Variants in PRKCB observed in about 807,000 individuals in gnomAD.
The protein encoded by PRKCB is protein kinase C beta, also known as protein kinase C beta type.
Under a neutral mutation model 81.5 loss-of-function variants are expected in PRKCB, and 13 were observed. The ratio of observed to expected loss-of-function variants is 0.16; its 90% CI spans 0.10 to 0.25. PRKCB has a LOEUF of 0.25. PRKCB is among the 10% of genes least tolerant of loss of function. PRKCB has a pLI of 1.00. For synonymous variants in PRKCB, 335 were observed against 321.4 expected (o/e 1.04, Z -0.45); for missense variants, 509 against 875.7 (o/e 0.58, Z 5.29).
chr16:24,202,035 C>CAA (rs72304458), intron 16 of PRKCB, among the ~76,000 whole-genome samples: 3 of 117,990 alleles, frequency 2.5e-5, no homozygotes, highest in Non-Finnish European at 5.5e-5. Context: ...GACTCCGTCT[C>CAA]AAAAAAAAAA....
At chr16:23,955,613 T>G (rs1858846790) in intron 2 of PRKCB, among the ~76,000 whole-genome samples, 1 of 152,240 alleles carries the variant, frequency 6.6e-6, no homozygotes, top group East Asian at 1.9e-4. Flanking sequence ...GAAAAGTGCA[T>G]GGAGAGAGAA....
At chr16:24,076,300 G>A (rs1279496537) in intron 5 of PRKCB, among the ~76,000 whole-genome samples, 1 of 152,200 alleles carries the variant, frequency 6.6e-6, no homozygotes, top group Non-Finnish European at 1.5e-5. Flanking sequence ...GTTGGCAGAT[G>A]TACAGGAGTG....
At position 24,005,265 on chromosome 16, in the gene PRKCB, T is replaced by A. The variant is rs370009625; in HGVS notation, c.288+16675T>A. The stretch of plus-strand genomic sequence containing the variant: ...AGACAACAAAACATTAGGTCAGGTA[T>A]GATAGATTTAAAAATATAAAAATAT... On this transcript the variant is annotated intron_variant, in intron 3 of 16. Transcript: ENST00000643927. 7.3e-5 allele frequency among the ~76,000 whole-genome samples: 11 copies of A among 151,594 alleles called. No homozygotes were observed. The East Asian group carries it at 2.1e-3, about 29-fold the overall frequency.
chr16:23,882,022 C>CTTTCTTTCTCTTTCTTTCT (rs1567301134), intron 2 of PRKCB, among the ~76,000 whole-genome samples: 8 of 57,416 alleles, frequency 1.4e-4, no homozygotes, highest in Non-Finnish European at 2.4e-4. Flanking sequence ...TTCTTTCTTT[C>CTTTCTTTCTCTTTCTTTCT]TTCCTTCCTT....
chr16:23,899,407 C>T (rs949367598), intron 2 of PRKCB, among the ~76,000 whole-genome samples: 25 of 152,164 alleles, frequency 1.6e-4, no homozygotes, highest in Admixed American at 1.3e-3. Context: ...GAAGACATCT[C>T]CCCCAGATCT....
intron 2 of PRKCB, among the ~76,000 whole-genome samples, chr16:23,867,689 A>G (rs1033269240): frequency 1.3e-5 from 2 of 152,216 alleles, no homozygotes; most frequent in Non-Finnish European, 2.9e-5. Flanking sequence ...GAAGCCTAAC[A>G]AAGTGTTTCC....
chr16:24,219,719 C>A lies in PRKCB; in HGVS notation c.*4903C>A. 2 of 1,301,202 alleles carry A rather than the reference C, an allele frequency of 1.5e-6. No individual in the cohort carries two copies. The highest frequency in any genetic ancestry group is 2.0e-6 in the Non-Finnish European group (2 of 1,019,802). The allele number at this position is 1,301,202 out of a possible 1,614,324, so 80.6% of individuals were successfully genotyped here. A position where few individuals can be genotyped will look rare whatever the true frequency, so the allele number is the denominator to read the frequency against. ...ACACACACACCACTTTATGGCAATT[C>A]TTAACTGACATTCAATGACTTACTT... On this transcript the variant is annotated 3_prime_UTR_variant, in exon 17 of 17. Coordinates refer to ENST00000643927, the MANE Select transcript of PRKCB (RefSeq NM_002738.7).
chr16:23,847,339 TC>T (rs1962387056), intron 2 of PRKCB, among the ~76,000 whole-genome samples: 1 of 89,304 alleles, frequency 1.1e-5, no homozygotes, highest in Admixed American at 1.0e-4. Context: ...TATCTATCTA[TC>T]TATCTATCTA....
chr16:24,063,983 G>A (rs964954251), intron 5 of PRKCB, among the ~76,000 whole-genome samples: 3 of 152,160 alleles, frequency 2.0e-5, no homozygotes, highest in African/African-American at 7.2e-5. Flanking sequence ...GGTGGGAAAA[G>A]CATTTTGCAG....
chr16:24,084,784 C>T (rs1292127500), intron 5 of PRKCB, among the ~76,000 whole-genome samples: 3 of 152,104 alleles, frequency 2.0e-5, no homozygotes, highest in Non-Finnish European at 4.4e-5. Context: ...ATGGGAGCCT[C>T]AAGAATTGAA....
At chr16:23,852,742 C>T (rs1962496170) in intron 2 of PRKCB, among the ~76,000 whole-genome samples, 2 of 152,214 alleles carry the variant, frequency 1.3e-5, no homozygotes, top group South Asian at 2.1e-4. Context: ...TCCCTATCAA[C>T]CGTATCCTTC....
intron 2 of PRKCB, among the ~76,000 whole-genome samples, chr16:23,881,629 A>C (rs1395077490): frequency 6.6e-6 from 1 of 152,252 alleles, no homozygotes; most frequent in Non-Finnish European, 1.5e-5. Context: ...TCCTTGGGAT[A>C]AGTGAAAACT....
At chr16:23,865,907 C>A (rs1962780854) in intron 2 of PRKCB, among the ~76,000 whole-genome samples, 1 of 151,946 alleles carries the variant, frequency 6.6e-6, no homozygotes, top group South Asian at 2.1e-4. Flanking sequence ...CTTTGTGTTT[C>A]CACTCTCCAT....
chr16:23,971,001 C>A (rs1964547894), intron 2 of PRKCB, among the ~76,000 whole-genome samples: 1 of 152,176 alleles, frequency 6.6e-6, no homozygotes, highest in South Asian at 2.1e-4. Context: ...GCTTAGTTTT[C>A]CTCATGCATA....
chr16:23,898,045 C>T (rs1301992621), intron 2 of PRKCB, among the ~76,000 whole-genome samples: 1 of 149,682 alleles, frequency 6.7e-6, no homozygotes, highest in African/African-American at 2.5e-5. Flanking sequence ...ATTACAGGCA[C>T]ATGCACCACC....
chr16:24,217,666 C>T lies in PRKCB; in HGVS notation c.*2850C>T, dbSNP rs559624580. ...CATTAGCCATCACCAGCACAACAAACGGGGCAGGGCTTTCCAAGGTGGGGC... is the reference window on the plus strand; with the variant it reads ...CATTAGCCATCACCAGCACAACAAATGGGGCAGGGCTTTCCAAGGTGGGGC... On this transcript the variant is annotated 3_prime_UTR_variant, in exon 17 of 17. Transcript: ENST00000643927. 212 of 985,508 alleles carry T rather than the reference C, an allele frequency of 2.2e-4. No individual in the cohort carries two copies. The South Asian group carries it at 2.4e-3, about 11-fold the overall frequency. The allele number at this position is 985,508 out of a possible 1,614,324, so 61.0% of individuals were successfully genotyped here. A position where few individuals can be genotyped will look rare whatever the true frequency, so the allele number is the denominator to read the frequency against.
At chr16:24,017,803 C>T (rs572458674) in intron 3 of PRKCB, among the ~76,000 whole-genome samples, 9 of 151,784 alleles carry the variant, frequency 5.9e-5, no homozygotes, top group East Asian at 1.9e-4. Flanking sequence ...GATCCTGGTT[C>T]GCTGTAGCCT....
chr16:23,988,463 G>A (rs1407422787), intron 2 of PRKCB, 45 bp from the exon 3 acceptor site: 12 of 1,520,840 alleles, frequency 7.9e-6, no homozygotes, highest in Admixed American at 3.4e-5. Flanking sequence ...CCTCCTCTCC[G>A]CTTTCCTTCT....
intron 2 of PRKCB, among the ~76,000 whole-genome samples, chr16:23,854,045 A>G (rs1430717183): frequency 6.7e-6 from 1 of 149,948 alleles, no homozygotes; most frequent in Non-Finnish European, 1.5e-5. Context: ...AGATCTCGTG[A>G]GACTTATTCA....
Sources: allele counts gnomAD v4.1 joint callset (sites outside exome capture counted in the v4.1 genomes callset), GRCh38; gene constraint gnomAD v4.1.1; transcripts MANE v1.5; gene names NCBI Gene and HGNC (gene_info 2026-07-23, HGNC 2026-07-21).